The following GSN variants were observed in gnomAD, a reference collection of about 807,000 sequenced individuals.
The protein encoded by GSN is actin-depolymerizing factor.
Under a neutral mutation model 85.7 loss-of-function variants are expected in GSN, and 56 were observed. That is an observed-to-expected ratio of 0.65 (90% CI 0.53 to 0.82). The LOEUF is 0.82. Among genes scored for constraint, GSN ranks in the 40% least tolerant of loss-of-function variants. The pLI is 0.00. For synonymous variants in GSN, 373 were observed against 399.1 expected, an observed-to-expected ratio of 0.93 and a Z score of 0.78; for missense variants, 857 against 979.8, an observed-to-expected ratio of 0.87 and a Z score of 1.67.
intron 2 of GSN, among the ~76,000 whole-genome samples, chr9:121,287,279 C>G (rs566120110): frequency 5.3e-5 from 8 of 152,042 alleles, no homozygotes; most frequent in Admixed American, 5.2e-4. Context: ...AATGGAGAGA[C>G]GAGAAGAGGA....
chr9:121,312,607 CT>C, intron 6 of GSN, 119 bp downstream of exon 6: 1 of 766,146 alleles, frequency 1.3e-6, no homozygotes, highest in Non-Finnish European at 2.0e-6. Context: ...TCTACCCCAC[CT>C]TTTTATTTTT....
intron 1 of GSN, among the ~76,000 whole-genome samples, chr9:121,279,406 A>C (rs2057065342): frequency 6.6e-6 from 1 of 152,100 alleles, no homozygotes; most frequent in South Asian, 2.1e-4. Context: ...CAGGAGGATC[A>C]GTTAGGAAGG....
chr9:121,259,720 C>CT lies in GSN; in HGVS notation c.-340-5434_-340-5433insT, dbSNP rs397812935. 3.7e-3 allele frequency among the ~76,000 whole-genome samples: 555 copies of CT among 152,034 alleles called. 1 individual carries two copies. The highest frequency in any genetic ancestry group is 6.8e-3 in the Middle Eastern group (2 of 294). On this transcript the variant is annotated intron_variant, in intron 6 of 24. Coordinates refer to the GSN transcript ENST00000373823. The stretch of plus-strand genomic sequence containing the variant: ...GTGATAAAAAGTAGAGCTTAAGAGC[C>CT]GTGACTGTTGGCACCGGGGATTCCC...
intron 2 of GSN, among the ~76,000 whole-genome samples, chr9:121,288,119 G>T (rs1485831965): frequency 1.3e-5 from 2 of 152,084 alleles, no homozygotes; most frequent in Non-Finnish European, 2.9e-5. Context: ...TAGAGATGGG[G>T]ACTTGTGGTG....
intron 5 of GSN, among the ~76,000 whole-genome samples, chr9:121,238,410 T>C (rs1162153273): frequency 6.6e-6 from 1 of 152,200 alleles, no homozygotes; most frequent in African/African-American, 2.4e-5. Flanking sequence ...TCTGGATGCT[T>C]CCTGGCCTTC....
chr9:121,326,853 C>T (rs1032698599), intron 13 of GSN, 171 bp downstream of exon 13: 3 of 779,542 alleles, frequency 3.8e-6, no homozygotes, highest in South Asian at 2.8e-5. Context: ...CTTAGACTCC[C>T]CCCTGTTTCA....
In GSN at chr9:121,329,281, C is replaced by T. The variant is rs144434647; in HGVS notation, c.1931C>T (p.Thr644Met). The stretch of plus-strand genomic sequence containing the variant: ...GAGCTCATGCAGGAAGACCTGGCAA[C>T]GGATGACGTCATGCTTCTGGACACC... ...PGELMQEDLATDDVMLLDTWD... is the reference protein window; with the variant it reads ...PGELMQEDLAMDDVMLLDTWD... Residue 644 changes from threonine (T) to methionine (M), a missense_variant, in exon 16 of 18, where the codon ACG (threonine) becomes ATG (methionine). Coordinates refer to ENST00000432226, the MANE Select transcript of GSN (RefSeq NM_198252.3). The surrounding 1 kb of genome is among the most constrained non-coding windows in gnomAD (Gnocchi z 4.6). The T allele has an allele frequency of 7.6e-4, 1,231 of 1,611,556 alleles. 1 individual carries two copies. Among genetic ancestry groups the T allele is most frequent in the Non-Finnish European group, 9.3e-4 (1,100 of 1,177,746 alleles).
At chr9:121,216,520 C>T (rs143132739) in intron 4 of GSN, among the ~76,000 whole-genome samples, 1 of 152,330 alleles carries the variant, frequency 6.6e-6, no homozygotes, top group Non-Finnish European at 1.5e-5. Flanking sequence ...GAAACAGTCC[C>T]TAACTCTCCT....
intron 5 of GSN, among the ~76,000 whole-genome samples, chr9:121,244,784 T>A (rs2054667501): frequency 6.6e-6 from 1 of 152,164 alleles, no homozygotes; most frequent in Non-Finnish European, 1.5e-5. Context: ...CTATGTGTGA[T>A]CTCCAGGATA....
intron 7 of GSN, among the ~76,000 whole-genome samples, chr9:121,314,809 A>C (rs2061536536): frequency 6.6e-6 from 1 of 152,236 alleles, no homozygotes; most frequent in South Asian, 2.1e-4. Flanking sequence ...CTCATGAGAG[A>C]ACACATCTTT....
intron 4 of GSN, among the ~76,000 whole-genome samples, chr9:121,223,824 A>G (rs1243289108): frequency 2.7e-5 from 4 of 147,442 alleles, no homozygotes; most frequent in Non-Finnish European, 6.0e-5. Flanking sequence ...CACGCCGGCT[A>G]AATTTTGTAT....
In GSN at chr9:121,228,724, C is replaced by A. The variant is rs572277076; in HGVS notation, c.-527-2441C>A. ...ACAGGCAAGAGCCACTGTGCCCGGC[C>A]CTTAGCCCTTTATTTTAAAAAAATT... On this transcript the variant is annotated intron_variant, in intron 4 of 24. Transcript: ENST00000373823. Among the ~76,000 whole-genome samples the A allele has an allele frequency of 4.6e-5, 7 of 152,112 alleles. No homozygotes were observed. The East Asian group carries it at 1.4e-3, about 29-fold the overall frequency.
intron 4 of GSN, among the ~76,000 whole-genome samples, chr9:121,216,249 A>T (rs2054062076): frequency 6.6e-6 from 1 of 152,180 alleles, no homozygotes; most frequent in Non-Finnish European, 1.5e-5. Context: ...CACCCGGCCC[A>T]TCACTTTTCA....
At chr9:121,223,127 C>T (rs1203264991) in intron 4 of GSN, 1 of 152,176 alleles carries the variant, frequency 6.6e-6, no homozygotes, top group Non-Finnish European at 1.5e-5. Context: ...CATTTTGCCT[C>T]TGAGTGCGCA....
In GSN at chr9:121,318,842, C is replaced by T. The variant is rs774557384; in HGVS notation, c.1153C>T (p.Gln385Ter). The T allele has an allele frequency of 1.2e-6, 2 of 1,614,116 alleles. No individual in the cohort carries two copies. Among genetic ancestry groups the T allele is most frequent in the Non-Finnish European group, 1.7e-6 (2 of 1,180,026 alleles). Residue 385 changes from glutamine to a stop codon, truncating the protein, a stop_gained, in exon 10 of 18, where the codon CAG (glutamine) becomes TAG (stop). Transcript: ENST00000432226. LOFTEE classifies it high-confidence loss of function. The surrounding 1 kb of genome is among the most constrained non-coding windows in gnomAD (Gnocchi z 4.3). ...GCACACCTCCACTGCCATGGCCGCC[C>T]AGCACGGCATGGATGACGATGGCAC... is the stretch of plus-strand genomic sequence containing the variant. ...TLHTSTAMAA[Q>*]HGMDDDGTGQ...
intron 2 of GSN, chr9:121,282,085 C>A (rs1230557805): frequency 2.1e-6 from 1 of 466,302 alleles, no homozygotes; most frequent in Non-Finnish European, 4.4e-6. Flanking sequence ...TGGGGCCCAC[C>A]TGACTATCAG....
chr9:121,312,534 C>T (rs771177753), intron 6 of GSN, 46 bp downstream of exon 6: 3 of 1,456,540 alleles, frequency 2.1e-6, no homozygotes, highest in African/African-American at 1.4e-5. Flanking sequence ...ACACGCTGCT[C>T]ATGACTTTCT....
chr9:121,309,163 T>G (rs1351165392), intron 4 of GSN: 1 of 152,252 alleles, frequency 6.6e-6, no homozygotes, highest in Non-Finnish European at 1.5e-5. Flanking sequence ...TTCTCTGGGC[T>G]TCAGTTTACC....
At chr9:121,300,825 C>T (rs1267317133) in intron 2 of GSN, among the ~76,000 whole-genome samples, 1 of 152,114 alleles carries the variant, frequency 6.6e-6, no homozygotes, top group African/African-American at 2.4e-5. Flanking sequence ...CACTTGGACT[C>T]AGCCATTTGG....
Sources: allele counts gnomAD v4.1 joint callset (sites outside exome capture counted in the v4.1 genomes callset), GRCh38; gene constraint gnomAD v4.1.1; non-coding constraint Gnocchi (gnomAD v3.1); transcripts MANE v1.5; gene names NCBI Gene and HGNC (gene_info 2026-07-23, HGNC 2026-07-21).